Variants in IQCC observed in about 807,000 individuals in gnomAD.
The protein encoded by IQCC is IQ domain-containing protein C.
In IQCC, 23 loss-of-function variants were observed where a neutral mutation model predicts 27.0. That is an observed-to-expected ratio of 0.85 (90% CI 0.61 to 1.21). The LOEUF is 1.21. IQCC is among the 50% of genes most tolerant of loss of function. The pLI, the probability that IQCC is intolerant of heterozygous loss-of-function variation, is 0.00. For synonymous variants in IQCC, 220 were observed against 217.2 expected (o/e 1.01, Z -0.11); for missense variants, 552 against 562.3 (o/e 0.98, Z 0.19).
chr1:32,206,069 G>C (rs1156994912), intron 1 of IQCC, 85 bp from the exon 2 acceptor site: 1 of 1,601,884 alleles, frequency 6.2e-7, no homozygotes, highest in African/African-American at 1.3e-5. Flanking sequence ...TGCATTCGCC[G>C]GGACGACCTC....
Position 32,206,248 on chromosome 1 carries a change from C to T in IQCC, c.137C>T (p.Thr46Met), listed in dbSNP as rs994424121. 19 of 1,614,202 alleles carry T rather than the reference C, an allele frequency of 1.2e-5. No homozygotes were observed. The highest frequency in any genetic ancestry group is 1.5e-5 in the Non-Finnish European group (18 of 1,180,034). Residue 46 changes from threonine to methionine, a missense_variant, in exon 2 of 5, where the codon ACG (threonine) becomes ATG (methionine). Physicochemically the swap from Thr to Met is moderately conservative, Grantham distance 81 (BLOSUM62 -1). Coordinates refer to ENST00000291358, the MANE Select transcript of IQCC (RefSeq NM_018134.3). ...IVREVEGDLG[T>M]LQWTEGRIPR... ...CGAGAGGTCGAGGGCGACCTGGGCACGCTTCAGTGGACCGAGGGCCGCATT... is the reference window on the plus strand; with the variant it reads ...CGAGAGGTCGAGGGCGACCTGGGCATGCTTCAGTGGACCGAGGGCCGCATT...
Position 32,207,774 on chromosome 1 carries a change from G to A in IQCC, c.1093G>A (p.Asp365Asn), listed in dbSNP as rs1196231997. 3 of 1,614,010 alleles carry A rather than the reference G, an allele frequency of 1.9e-6. No homozygotes were observed. Residue 365 changes from aspartate (D) to asparagine (N), a missense_variant, in exon 5 of 5, where the codon GAC becomes AAC. Asp to Asn is a conservative substitution (Grantham distance 23). Transcript: ENST00000291358. ...CAGAAAACTAGACCACAAAGAGCCT[G>A]ACTGCCGAACAGTCAGGACACAAGA... ...SPRKLDHKEPDCRTVRTQELG... is the reference protein window; with the variant it reads ...SPRKLDHKEPNCRTVRTQELG...
chr1:32,208,614 T>G lies in IQCC; in HGVS notation c.*532T>G. 5.9e-6 allele frequency: 1 copy of G among 170,668 alleles called. No homozygotes were observed. The highest frequency in any genetic ancestry group is 1.3e-5 in the Non-Finnish European group (1 of 78,906). 10.6% of individuals were successfully genotyped at this position (170,668 alleles called of 1,614,324 possible). A position where few individuals can be genotyped will look rare whatever the true frequency, so the allele number is the denominator to read the frequency against. On this transcript the variant is annotated 3_prime_UTR_variant, in exon 5 of 5. Coordinates refer to ENST00000291358, the MANE Select transcript of IQCC (RefSeq NM_018134.3). Reference sequence around the variant, plus strand: ...GCGAGACACGGTCTCAAAAAACAAATGTGTGGCTAAGGAGTTACCTGGGGG... The same window carrying G: ...GCGAGACACGGTCTCAAAAAACAAAGGTGTGGCTAAGGAGTTACCTGGGGG...
rs777391066 is a variant in IQCC at position 32,207,545 on chromosome 1, A to G, written c.864A>G (p.Pro288=). 6.2e-7 allele frequency: 1 copy of G among 1,611,974 alleles called. No homozygotes were observed. The highest frequency in any genetic ancestry group is 8.5e-7 in the Non-Finnish European group (1 of 1,178,900). ...YSKSGPPSSI[P]SNSQALGDRL... is the part of the protein sequence containing the mutation. ...AGTCTGGACCACCGTCGTCTATACCATCAAACAGCCAGGCCTTGGGGGACA... is the reference window on the plus strand; with the variant it reads ...AGTCTGGACCACCGTCGTCTATACCGTCAAACAGCCAGGCCTTGGGGGACA... The change falls in exon 5 of 5, where the codon CCA becomes CCG. Residue 288 remains proline (P), a synonymous_variant. Transcript: ENST00000291358.
At chr1:32,206,054 C>A in intron 1 of IQCC, 100 bp from the exon 2 acceptor site, 1 of 1,600,898 alleles carries the variant, frequency 6.2e-7, no homozygotes. Context: ...CGTCAGGTCC[C>A]CTCTTGCATT....
At chr1:32,207,184 A>T (rs60559680) in intron 4 of IQCC, 56 bp from the exon 5 acceptor site, 144,979 of 1,602,100 alleles carry the variant, frequency 0.09, 9,606 homozygotes, top group African/African-American at 0.24. Flanking sequence ...GGGAGAGACG[A>T]CCTGCCATGC....
At position 32,206,580 on chromosome 1, in the gene IQCC, C is replaced by T. The variant is rs777129388; in HGVS notation, c.258C>T (p.His86=). The change falls in exon 3 of 5, where the codon CAC becomes CAT. Residue 86 remains histidine (H), a synonymous_variant. Transcript: ENST00000291358. The part of the protein sequence containing the change: ...VANPEQGLWN[H]FPCEESEGEA... ...ATCCAGAGCAGGGGCTGTGGAACCA[C>T]TTCCCATGTGAAGAGTCTGAGGGAG... The T allele has an allele frequency of 6.2e-7, 1 of 1,614,220 alleles. No homozygotes were observed. Among genetic ancestry groups the T allele is most frequent in the African/African-American group, 1.3e-5 (1 of 75,062 alleles).
chr1:32,206,566 GGGCTGT>G lies in IQCC; in HGVS notation c.247_252del (p.Leu83_Trp84del). ...AGACAGGGTAGCAAATCCAGAGCAG[GGGCTGT>G]GGAACCACTTCCCATGTGAAGAGTC... On this transcript the variant is annotated inframe_deletion, in exon 3 of 5. Coordinates refer to ENST00000291358, the MANE Select transcript of IQCC (RefSeq NM_018134.3). The G allele has an allele frequency of 6.2e-7, 1 of 1,614,182 alleles. No individual in the cohort carries two copies. Among genetic ancestry groups the G allele is most frequent in the Non-Finnish European group, 8.5e-7 (1 of 1,180,018 alleles).
rs1404215424 is a variant in IQCC, at chr1:32,206,645, A to G, written c.323A>G (p.Glu108Gly). 2 of 1,614,202 alleles carry G rather than the reference A, an allele frequency of 1.2e-6. No individual in the cohort carries two copies. Among genetic ancestry groups the G allele is most frequent in the Non-Finnish European group, 1.7e-6 (2 of 1,180,034 alleles). The change falls in exon 3 of 5, where the codon GAG (glutamate) becomes GGG (glycine). Residue 108 changes from glutamate (E) to glycine (G), a missense_variant. Physicochemically the swap from Glu to Gly is moderately conservative, Grantham distance 98. Coordinates refer to ENST00000291358, the MANE Select transcript of IQCC (RefSeq NM_018134.3). Reference protein sequence around the residue: ...WEEMVLKKSGESSANQGSLCR... With the variant: ...WEEMVLKKSGGSSANQGSLCR... ...GAGATGGTGCTGAAGAAGTCAGGAG[A>G]GAGCTCAGCAAATCAAGGAAGCCTC...
chr1:32,205,995 C>T lies in IQCC; in HGVS notation c.43-159C>T. 6.4e-7 allele frequency: 1 copy of T among 1,571,290 alleles called. No individual in the cohort carries two copies. The highest frequency in any genetic ancestry group is 1.1e-5 in the South Asian group (1 of 87,440). On this transcript the variant is annotated intron_variant, in intron 1 of 4. Transcript: ENST00000291358. The surrounding 1 kb of genome is among the most constrained non-coding windows in gnomAD (Gnocchi z 5.6). Reference sequence around the variant, plus strand: ...AGGGGCATCCAGTCTGGCATCGTCCCTCGAGCCCCCCGGAGCCCTAGCGCA... The same window carrying T: ...AGGGGCATCCAGTCTGGCATCGTCCTTCGAGCCCCCCGGAGCCCTAGCGCA...
At chr1:32,206,445 TC>T in intron 2 of IQCC, 63 bp from the exon 3 acceptor site, 1 of 1,607,742 alleles carries the variant, frequency 6.2e-7, no homozygotes, top group Non-Finnish European at 8.5e-7. Context: ...GTCTGCTAGA[TC>T]ATGGTGCCCA....
chr1:32,205,737 C>G lies in IQCC; in HGVS notation c.42+14C>G, dbSNP rs954227077. ...TCTGCATTGCAGGTGCGGGGGCGGG[C>G]GCGGGGTTCACAGGATTTTTCCTTT... On this transcript the variant is annotated intron_variant, in intron 1 of 4. Transcript: ENST00000291358. The surrounding 1 kb of genome is among the most constrained non-coding windows in gnomAD (Gnocchi z 5.6). 5 of 1,611,592 alleles carry G rather than the reference C, an allele frequency of 3.1e-6. No individual in the cohort carries two copies. Among genetic ancestry groups the G allele is most frequent in the Non-Finnish European group, 4.2e-6 (5 of 1,179,604 alleles).
In IQCC at chr1:32,207,277, C is replaced by T. The variant is rs779461068; in HGVS notation, c.596C>T (p.Ala199Val). The T allele has an allele frequency of 1.2e-5, 20 of 1,613,796 alleles. No individual in the cohort carries two copies. Among genetic ancestry groups the T allele is most frequent in the African/African-American group, 6.7e-5 (5 of 74,866 alleles). The change falls in exon 5 of 5, where the codon GCG (alanine) becomes GTG (valine). Residue 199 changes from alanine (A) to valine (V), a missense_variant. Ala to Val is a moderately conservative substitution (Grantham distance 64). Coordinates refer to ENST00000291358, the MANE Select transcript of IQCC (RefSeq NM_018134.3). ...AAACAAACACTGAGATCCCCAGAGG[C>T]GGGCCCGATCAGAGAGGAACCCCGC... is the stretch of plus-strand genomic sequence containing the variant. ...LLKQTLRSPE[A>V]GPIREEPRVF...
rs1222687338 is a variant in IQCC, at chr1:32,207,880, C to G, written c.1199C>G (p.Thr400Ser). 1.2e-6 allele frequency: 2 copies of G among 1,613,994 alleles called. No individual in the cohort carries two copies. ...PEHSVLDLWR[T>S]KPPKGQAPTD... ...CATAGTGTCCTCGATCTCTGGAGGA[C>G]TAAACCACCCAAAGGCCAGGCCCCC... The change falls in exon 5 of 5, where the codon ACT becomes AGT. Residue 400 changes from threonine (T) to serine (S), a missense_variant. By Grantham distance (58) the Thr-to-Ser change is moderately conservative. Transcript: ENST00000291358.
Position 32,207,624 on chromosome 1 carries a change from C to A in IQCC, c.943C>A (p.Leu315Met), listed in dbSNP as rs890518523. The A allele has an allele frequency of 1.2e-6, 2 of 1,613,964 alleles. No individual in the cohort carries two copies. The highest frequency in any genetic ancestry group is 4.5e-5 in the East Asian group (2 of 44,884). Reference sequence around the variant, plus strand: ...ACAGACCTTTGGAGGGACCTGCCTGCTGCAGATGAAAATCCTGGAGGACCA... The same window carrying A: ...ACAGACCTTTGGAGGGACCTGCCTGATGCAGATGAAAATCCTGGAGGACCA... The part of the protein sequence containing the change: ...GRQTFGGTCL[L>M]QMKILEDQTP... The change falls in exon 5 of 5, where the codon CTG becomes ATG. Residue 315 changes from leucine to methionine, a missense_variant. Leu to Met is a conservative substitution (Grantham distance 15). Coordinates refer to ENST00000291358, the MANE Select transcript of IQCC (RefSeq NM_018134.3).
chr1:32,208,007 G>C lies in IQCC; in HGVS notation c.1326G>C (p.Leu442=). ...GGAGATCAAAGTCACCTGAGATTCT[G>C]TCTTCTACAAAGGCAGGCTGTACAG... ...IPWRSKSPEI[L]SSTKAGCTGE... The change falls in exon 5 of 5, where the codon CTG becomes CTC. Residue 442 remains leucine (L), a synonymous_variant. Transcript: ENST00000291358. 6.2e-7 allele frequency: 1 copy of C among 1,614,186 alleles called. No homozygotes were observed. The highest frequency in any genetic ancestry group is 8.5e-7 in the Non-Finnish European group (1 of 1,180,010).
Position 32,205,948 on chromosome 1 carries a change from C to G in IQCC, c.43-206C>G, listed in dbSNP as rs758902880. The G allele has an allele frequency of 1.7e-5, 26 of 1,552,568 alleles. No homozygotes were observed. The highest frequency in any genetic ancestry group is 2.3e-5 in the Non-Finnish European group (26 of 1,147,722). ...ACACGCTCGCGCCGGATCAGGGAAA[C>G]GGGAAGAGCCTTAAGGCGAGGAGGG... On this transcript the variant is annotated intron_variant, in intron 1 of 4. Coordinates refer to ENST00000291358, the MANE Select transcript of IQCC (RefSeq NM_018134.3). This position sits in a 1 kb window ranked among gnomAD's most constrained non-coding sequence, Gnocchi z 5.6.
In IQCC at chr1:32,207,289, G is replaced by C; in HGVS notation, c.608G>C (p.Arg203Thr). Reference sequence around the variant, plus strand: ...AGATCCCCAGAGGCGGGCCCGATCAGAGAGGAACCCCGCGTGTTCCTAGAA... The same window carrying C: ...AGATCCCCAGAGGCGGGCCCGATCACAGAGGAACCCCGCGTGTTCCTAGAA... ...TLRSPEAGPI[R>T]EEPRVFLEHG... Residue 203 changes from arginine (R) to threonine (T), a missense_variant, in exon 5 of 5, where the codon AGA (arginine) becomes ACA (threonine). By Grantham distance (71) the Arg-to-Thr change is moderately conservative (BLOSUM62 -1). Transcript: ENST00000291358. The C allele has an allele frequency of 1.2e-6, 2 of 1,613,994 alleles. No individual in the cohort carries two copies. Among genetic ancestry groups the C allele is most frequent in the Non-Finnish European group, 1.7e-6 (2 of 1,179,960 alleles).
rs1643328181 is a variant in IQCC at position 32,206,181 on chromosome 1, C to T, written c.70C>T (p.Arg24Cys). ...CTGCGTCCGGGGCTTCTTGGTCCGA[C>T]GCCAGTTCCAGAGCCTGCGAGCTGA... ...QACVRGFLVR[R>C]QFQSLRAEYE... Residue 24 changes from arginine (R) to cysteine (C), a missense_variant, in exon 2 of 5, where the codon CGC becomes TGC. By Grantham distance (180) the Arg-to-Cys change is radical. Transcript: ENST00000291358. The T allele has an allele frequency of 6.2e-7, 1 of 1,613,858 alleles. No homozygotes were observed. Among genetic ancestry groups the T allele is most frequent in the Non-Finnish European group, 8.5e-7 (1 of 1,179,762 alleles).
Sources: gnomAD v4.1 joint callset for allele counts on GRCh38, gnomAD v4.1.1 for gene constraint, Gnocchi (gnomAD v3.1) non-coding constraint, MANE v1.5 for transcripts, NCBI Gene and HGNC (gene_info 2026-07-23, HGNC 2026-07-21) for gene names.